MYH11: variants seen among roughly 807,000 people sequenced by gnomAD.
The protein encoded by MYH11 is myosin-11.
In MYH11, 80 loss-of-function variants were observed where a neutral mutation model predicts 246.6. That is an observed-to-expected ratio of 0.32 (90% CI 0.27 to 0.39). MYH11 has a LOEUF of 0.39. Among genes scored for constraint, MYH11 ranks in the 10% least tolerant of loss-of-function variants. The probability of loss-of-function intolerance (pLI) is 1.00; values close to 1 mark genes in which losing one functional copy is unlikely to be tolerated. For synonymous variants in MYH11, 1,071 were observed against 1,015.5 expected, an observed-to-expected ratio of 1.05 and a Z score of -1.04; for missense variants, 2,158 against 2,546.8, an observed-to-expected ratio of 0.85 and a Z score of 3.29.
At chr16:15,716,951 G>C (rs944177345) in intron 38 of MYH11, among the ~76,000 whole-genome samples, 189 bp downstream of exon 38, 1 of 152,214 alleles carries the variant, frequency 6.6e-6, no homozygotes, top group South Asian at 2.1e-4. Context: ...GCTTGCCCTA[G>C]GCCAGGAACC....
intron 20 of MYH11, chr16:15,742,301 GA>G (rs1233030602): frequency 7.9e-6 from 2 of 253,134 alleles, no homozygotes; most frequent in Admixed American, 5.0e-5. Flanking sequence ...ACAAAAGGGA[GA>G]AAAAAAATCT....
At position 15,771,661 on chromosome 16, in the gene MYH11, A is replaced by G. The variant is rs193014833; in HGVS notation, c.941T>C (p.Phe314Ser). ...ATCCTGGGCTGCTGGGATGGGCACA[A>G]AGCCATTGGAGAGGAAGGTGTAGTT... ...FNNYTFLSNG[F>S]VPIPAAQDDE... is the part of the protein sequence containing the mutation. Residue 314 changes from phenylalanine (F) to serine (S), a missense_variant, in exon 9 of 41, where the codon TTT becomes TCT. Phe to Ser is a radical substitution (Grantham distance 155). Transcript: ENST00000300036. 2.5e-6 allele frequency: 4 copies of G among 1,614,100 alleles called. No individual in the cohort carries two copies. The highest frequency in any genetic ancestry group is 3.3e-5 in the Admixed American group (2 of 60,006).
intron 17 of MYH11, 23 bp downstream of exon 17, chr16:15,748,024 C>G (rs763554925): frequency 1.2e-6 from 2 of 1,614,214 alleles, no homozygotes; most frequent in Admixed American, 1.7e-5. Flanking sequence ...CCTGCCCTAC[C>G]TGGGCCAGAC....
At chr16:15,767,699 G>T (rs1408760962) in intron 9 of MYH11, among the ~76,000 whole-genome samples, 4 of 152,014 alleles carry the variant, frequency 2.6e-5, no homozygotes, top group African/African-American at 9.7e-5. Flanking sequence ...GATCATCTTG[G>T]ATTAACCTGG....
rs796422011 is a variant in MYH11 at position 15,833,416 on chromosome 16, GAACGAACT to G, written c.345+4484_345+4491del. Among the ~76,000 whole-genome samples, 67 of 148,756 alleles carry G rather than the reference GAACGAACT, an allele frequency of 4.5e-4. 1 individual carries two copies. The highest frequency in any genetic ancestry group is 1.5e-3 in the African/African-American group (60 of 39,150). ...GGAAGGAAGGAAGGAAGGAAGGGAG[GAACGAACT>G]AACTAACTCGAGGCAGACGAACTCA... is the stretch of plus-strand genomic sequence containing the variant. On this transcript the variant is annotated intron_variant, in intron 2 of 40. Transcript: ENST00000300036.
chr16:15,769,142 G>C (rs2042044364), intron 9 of MYH11, among the ~76,000 whole-genome samples: 1 of 152,146 alleles, frequency 6.6e-6, no homozygotes, highest in Non-Finnish European at 1.5e-5. Context: ...GCGAGACCCA[G>C]TATCTACTAA....
chr16:15,714,748 G>GC (rs1259304362), intron 40 of MYH11, 161 bp downstream of exon 40: 2 of 921,626 alleles, frequency 2.2e-6, no homozygotes, highest in African/African-American at 3.2e-5. Flanking sequence ...TCAGTGCCTG[G>GC]CCCACACTAA....
In MYH11 at chr16:15,717,165, C is replaced by T. The variant is rs1895647620; in HGVS notation, c.5479G>A (p.Glu1827Lys). The T allele has an allele frequency of 1.9e-6, 3 of 1,614,088 alleles. No homozygotes were observed. The highest frequency in any genetic ancestry group is 2.5e-6 in the Non-Finnish European group (3 of 1,180,048). The part of the protein sequence containing the change: ...AALEAKIAQL[E>K]EQVEQEAREK... ...CTGGCCTCCTGCTCGACCTGCTCCT[C>T]CAGCTGTGCAATCTTGGCCTCCAGC... The change falls in exon 38 of 41, where the codon GAG (glutamate) becomes AAG (lysine). Residue 1827 changes from glutamate (E) to lysine (K), a missense_variant. Around this residue, in one of 11 missense-constraint regions of MYH11, gnomAD observed 1,013 missense variants for 993.5 expected, o/e 1.02. Coordinates refer to ENST00000300036, the MANE Select transcript of MYH11 (RefSeq NM_002474.3).
At chr16:15,827,212 G>A (rs369210939) in intron 2 of MYH11, among the ~76,000 whole-genome samples, 1 of 152,082 alleles carries the variant, frequency 6.6e-6, no homozygotes, top group African/African-American at 2.4e-5. Flanking sequence ...ATCAGAGGGG[G>A]AGACAAGTAC....
chr16:15,829,852 T>TG, intron 2 of MYH11, among the ~76,000 whole-genome samples: 1 of 152,120 alleles, frequency 6.6e-6, no homozygotes. Flanking sequence ...CACACAGGGA[T>TG]GGCCGGGCGC....
At chr16:15,856,617 ATTT>A (rs3971712) in intron 1 of MYH11, among the ~76,000 whole-genome samples, 17 of 147,738 alleles carry the variant, frequency 1.2e-4, no homozygotes, top group East Asian at 9.9e-4. Context: ...CTCGGGACTA[ATTT>A]TTTTTTTTTT....
At chr16:15,818,229 T>C (rs536232351) in intron 3 of MYH11, among the ~76,000 whole-genome samples, 133 of 152,278 alleles carry the variant, frequency 8.7e-4, no homozygotes, top group African/African-American at 2.9e-3. Context: ...TCCACCTTCA[T>C]GGTAAGCTTA....
At chr16:15,823,688 G>C (rs2043479397) in intron 2 of MYH11, among the ~76,000 whole-genome samples, 1 of 152,104 alleles carries the variant, frequency 6.6e-6, no homozygotes, top group African/African-American at 2.4e-5. Context: ...GCGGTGGTGT[G>C]AACGTGACTC....
In MYH11 at chr16:15,750,806, AC is replaced by A. The variant is rs1251212088; in HGVS notation, c.1865-476del. On this transcript the variant is annotated intron_variant, in intron 15 of 40. Coordinates refer to ENST00000300036, the MANE Select transcript of MYH11 (RefSeq NM_002474.3). The surrounding 1 kb of genome is among the most constrained non-coding windows in gnomAD (Gnocchi z 4.3). Reference sequence around the variant, plus strand: ...GGGACACTGCTGTGAACAAAAAAAGACCCGGCCCCCTCACCCCGCTTATATC... The same window carrying A: ...GGGACACTGCTGTGAACAAAAAAAGACCGGCCCCCTCACCCCGCTTATATC... Among the ~76,000 whole-genome samples, 1 of 152,044 alleles carries A rather than the reference AC, an allele frequency of 6.6e-6. No individual in the cohort carries two copies. Among genetic ancestry groups the A allele is most frequent in the Non-Finnish European group, 1.5e-5 (1 of 68,016 alleles).
At chr16:15,720,336 G>C in intron 33 of MYH11, 24 bp from the exon 34 acceptor site, 4 of 1,609,828 alleles carry the variant, frequency 2.5e-6, no homozygotes, top group Non-Finnish European at 3.4e-6. Context: ...AGAGATGTGT[G>C]CTGCCCCACT....
intron 28 of MYH11, chr16:15,725,439 T>C (rs1360350486): frequency 2.1e-6 from 1 of 468,028 alleles, no homozygotes; most frequent in Non-Finnish European, 3.7e-6. Context: ...TCCCATCCCT[T>C]CCTTCCTCAC....
intron 40 of MYH11, among the ~76,000 whole-genome samples, chr16:15,708,256 C>T (rs2039574510): frequency 6.6e-6 from 1 of 152,192 alleles, no homozygotes; most frequent in African/African-American, 2.4e-5. Flanking sequence ...GCAGACAAGC[C>T]TGTGAAAGCT....
intron 3 of MYH11, among the ~76,000 whole-genome samples, chr16:15,814,585 G>A (rs111336720): frequency 0.033 from 2,033 of 62,374 alleles, 41 homozygotes; most frequent in Middle Eastern, 0.038. Context: ...AAAAAAAAAA[G>A]GTACCAAGAA....
chr16:15,808,389 G>A (rs534292972), intron 3 of MYH11, among the ~76,000 whole-genome samples: 2 of 152,286 alleles, frequency 1.3e-5, no homozygotes, highest in South Asian at 2.1e-4. Context: ...AGTAATAGCC[G>A]GGGCAGAGCT....
Sources: gnomAD v4.1 joint callset for allele counts (sites outside exome capture counted in the v4.1 genomes callset) on GRCh38, gnomAD v4.1.1 for gene constraint, gnomAD v4.1.1 regional missense constraint, Gnocchi (gnomAD v3.1) non-coding constraint, MANE v1.5 for transcripts, NCBI Gene and HGNC (gene_info 2026-07-23, HGNC 2026-07-21) for gene names.